The following YY1AP1 variants were observed in gnomAD, a reference collection of about 807,000 sequenced individuals.
YY1AP1 encodes YY1-associated protein 1.
In YY1AP1, 43 loss-of-function variants were observed where a neutral mutation model predicts 39.9. The observed-to-expected ratio is 1.08, with a 90% confidence interval of 0.84 to 1.39. YY1AP1 has a LOEUF of 1.39. Among genes scored for constraint, YY1AP1 ranks in the 40% most tolerant of loss-of-function variants. The pLI is 0.00. For synonymous variants in YY1AP1, 292 were observed against 331.3 expected (o/e 0.88, Z 1.29); for missense variants, 813 against 900.7 (o/e 0.90, Z 1.25).
intron 1 of YY1AP1, 120 bp from the exon 2 acceptor site, chr1:155,688,321 G>T: frequency 6.5e-7 from 1 of 1,548,630 alleles, no homozygotes; most frequent in Non-Finnish European, 8.7e-7. Flanking sequence ...ACCCAAAATG[G>T]CGGCGGCAGC....
intron 9 of YY1AP1, among the ~76,000 whole-genome samples, 200 bp downstream of exon 9, chr1:155,668,427 A>C (rs893370574): frequency 3.3e-5 from 5 of 152,244 alleles, no homozygotes; most frequent in African/African-American, 1.2e-4. Flanking sequence ...GGAATCTTTT[A>C]AGAGGATGAA....
At chr1:155,678,048 G>A (rs891655051) in intron 4 of YY1AP1, among the ~76,000 whole-genome samples, 3 of 152,282 alleles carry the variant, frequency 2.0e-5, no homozygotes, top group Middle Eastern at 3.4e-3. Flanking sequence ...ACAGTCATGC[G>A]CCACAGAATG....
chr1:155,661,908 G>A (rs1648226538), intron 9 of YY1AP1, among the ~76,000 whole-genome samples: 1 of 152,012 alleles, frequency 6.6e-6, no homozygotes, highest in African/African-American at 2.4e-5. Flanking sequence ...CACCCGCCTC[G>A]GCCTCCCAAA....
At chr1:155,680,729 G>C (rs1370914034) in intron 2 of YY1AP1, among the ~76,000 whole-genome samples, 1 of 152,110 alleles carries the variant, frequency 6.6e-6, no homozygotes, top group Non-Finnish European at 1.5e-5. Context: ...GTCATGCCCG[G>C]CTAATTCTTC....
chr1:155,668,886 C>T (rs1649448481), intron 8 of YY1AP1, 109 bp from the exon 9 acceptor site: 1 of 1,518,042 alleles, frequency 6.6e-7, no homozygotes, highest in East Asian at 2.4e-5. Context: ...GTTCTTAAAA[C>T]AAGGTCTCAC....
At chr1:155,670,600 CAA>C (rs1383653411) in intron 7 of YY1AP1, 136 bp from the exon 8 acceptor site, 1 of 849,196 alleles carries the variant, frequency 1.2e-6, no homozygotes, top group Admixed American at 2.6e-5. Context: ...TACCACTCCC[CAA>C]AGAGTTTCCA....
intron 9 of YY1AP1, among the ~76,000 whole-genome samples, chr1:155,666,794 G>C (rs1447850913): frequency 6.6e-6 from 1 of 152,114 alleles, no homozygotes; most frequent in Non-Finnish European, 1.5e-5. Context: ...GAGATCAGGA[G>C]TTCAAGATCA....
chr1:155,676,607 G>T lies in YY1AP1; in HGVS notation c.265C>A (p.His89Asn). The T allele has an allele frequency of 6.2e-7, 1 of 1,614,202 alleles. No homozygotes were observed. The highest frequency in any genetic ancestry group is 1.3e-5 in the African/African-American group (1 of 75,046). The change falls in exon 5 of 11, where the codon CAT (histidine) becomes AAT (asparagine). Residue 89 changes from histidine (H) to asparagine (N), a missense_variant. Coordinates refer to ENST00000355499, the MANE Select transcript of YY1AP1 (RefSeq NM_139119.3). ...EKVKPQCKEV[H>N]QTLILDPAQR... ...GCTGGGTCCAGAATCAGGGTCTGATGAACTTCCTTACACTGGGGTTTAACC... is the reference window on the plus strand; with the variant it reads ...GCTGGGTCCAGAATCAGGGTCTGATTAACTTCCTTACACTGGGGTTTAACC...
chr1:155,665,404 C>T (rs1249938079), intron 9 of YY1AP1, among the ~76,000 whole-genome samples: 2 of 151,404 alleles, frequency 1.3e-5, no homozygotes, highest in Admixed American at 6.6e-5. Flanking sequence ...TCAAAACCAT[C>T]CTGGCTAACA....
intron 9 of YY1AP1, among the ~76,000 whole-genome samples, chr1:155,661,857 T>C (rs1324110273): frequency 2.6e-5 from 4 of 152,034 alleles, no homozygotes; most frequent in Admixed American, 6.5e-5. Context: ...AGGGTTTCAC[T>C]GTGTTAGCCA....
chr1:155,684,055 C>T (rs1256300378), intron 2 of YY1AP1, among the ~76,000 whole-genome samples: 1 of 152,200 alleles, frequency 6.6e-6, no homozygotes, highest in Non-Finnish European at 1.5e-5. Flanking sequence ...CGTGACCAGC[C>T]TGGCCAACGT....
chr1:155,659,894 G>A lies in YY1AP1; in HGVS notation c.2016C>T (p.Phe672=), dbSNP rs1647771577. The A allele has an allele frequency of 1.9e-6, 3 of 1,614,234 alleles. No individual in the cohort carries two copies. The Admixed American group carries it at 5.0e-5, about 27-fold the overall frequency. Residue 672 remains phenylalanine (F), a synonymous_variant, in exon 11 of 11, where the codon TTC becomes TTT. Transcript: ENST00000355499. ...GCCCTGGGCTATGTTCCACTTTGGG[G>A]AAAACAGTAGCAGAGAGAGGAGATA... ...QELSPLSATV[F]PKVEHSPGPP... is the part of the protein sequence containing the mutation.
At chr1:155,671,509 T>A (rs1476329630) in intron 7 of YY1AP1, among the ~76,000 whole-genome samples, 3 of 152,090 alleles carry the variant, frequency 2.0e-5, no homozygotes, top group Admixed American at 6.6e-5. Flanking sequence ...TACTTTTATT[T>A]CATTCTTTCT....
At position 155,688,106 on chromosome 1, in the gene YY1AP1, A is replaced by C; in HGVS notation, c.-56T>G. The C allele has an allele frequency of 6.2e-7, 1 of 1,609,476 alleles. No individual in the cohort carries two copies. The highest frequency in any genetic ancestry group is 1.3e-5 in the African/African-American group (1 of 75,012). On this transcript the variant is annotated 5_prime_UTR_variant, in exon 2 of 11. Coordinates refer to ENST00000355499, the MANE Select transcript of YY1AP1 (RefSeq NM_139119.3). ...GCCGAGAGCGATGAGAGTACAGGGAAGTGAGGAAGAGGGGGTGGCCGCCAG... is the reference window on the plus strand; with the variant it reads ...GCCGAGAGCGATGAGAGTACAGGGACGTGAGGAAGAGGGGGTGGCCGCCAG...
chr1:155,680,553 C>G (rs1446157654), intron 2 of YY1AP1, 97 bp from the exon 3 acceptor site: 2 of 1,056,394 alleles, frequency 1.9e-6, no homozygotes, highest in African/African-American at 1.6e-5. Context: ...AACAAGGCAT[C>G]TGACGAATTC....
intron 4 of YY1AP1, among the ~76,000 whole-genome samples, chr1:155,678,034 A>C (rs1650973090): frequency 6.6e-6 from 1 of 152,236 alleles, no homozygotes; most frequent in African/African-American, 2.4e-5. Context: ...GAAGCTGCCC[A>C]AGTACAGTCA....
At chr1:155,688,232 A>G (rs1438303069) in intron 1 of YY1AP1, 31 bp from the exon 2 acceptor site, 1 of 1,612,816 alleles carries the variant, frequency 6.2e-7, no homozygotes, top group South Asian at 1.1e-5. Flanking sequence ...GAGAAGGGAA[A>G]GGTGGAGGGC....
Position 155,688,696 on chromosome 1 carries a change from T to G in YY1AP1, c.-189A>C, listed in dbSNP as rs1187970922. 1.2e-5 allele frequency: 19 copies of G among 1,524,678 alleles called. No individual in the cohort carries two copies. Among genetic ancestry groups the G allele is most frequent in the Non-Finnish European group, 1.4e-5 (16 of 1,143,260 alleles). 94.4% of individuals were successfully genotyped at this position (1,524,678 alleles called of 1,614,324 possible). A position where few individuals can be genotyped will look rare whatever the true frequency, so the allele number is the denominator to read the frequency against. On this transcript the variant is annotated 5_prime_UTR_variant, in exon 1 of 11. Transcript: ENST00000355499. ...GAGCCCAAGCCTTCTCCACCTCCTC[T>G]TCTCTCCTCCCCCTCCCTCCCCGCC...
chr1:155,680,195 A>C (rs1163059103), intron 3 of YY1AP1, among the ~76,000 whole-genome samples: 2 of 152,068 alleles, frequency 1.3e-5, no homozygotes, highest in Admixed American at 1.3e-4. Context: ...AAAAAAAAAA[A>C]AAAGCTTCAA....
Sources: gnomAD v4.1 joint callset for allele counts (sites outside exome capture counted in the v4.1 genomes callset) on GRCh38, gnomAD v4.1.1 for gene constraint, MANE v1.5 for transcripts, NCBI Gene and HGNC (gene_info 2026-07-23, HGNC 2026-07-21) for gene names.